DGLUCY: variants seen among roughly 807,000 people sequenced by gnomAD.
DGLUCY encodes the protein D-glutamate cyclase, mitochondrial.
A neutral mutation model predicts 58.5 loss-of-function variants in DGLUCY; 58 were observed. The observed-to-expected ratio is 0.99, with a 90% confidence interval of 0.80 to 1.23. The LOEUF (loss-of-function observed/expected upper bound fraction) is 1.23. Ranked by LOEUF, DGLUCY falls within the 50% of genes most tolerant of loss-of-function variation. The probability of loss-of-function intolerance (pLI) is 0.00; values close to 1 mark genes in which losing one functional copy is unlikely to be tolerated. For synonymous variants in DGLUCY, 325 were observed against 314.1 expected, an observed-to-expected ratio of 1.03 and a Z score of -0.37; for missense variants, 779 against 784.7, an observed-to-expected ratio of 0.99 and a Z score of 0.09.
intron 5 of DGLUCY, among the ~76,000 whole-genome samples, chr14:91,170,695 G>A (rs540182877): frequency 1.1e-3 from 165 of 152,092 alleles, no homozygotes; most frequent in Middle Eastern, 9.5e-3. Flanking sequence ...CACAGCCGGC[G>A]TCTCTGGGAC....
At chr14:91,220,763 GC>G (rs1887359488) in intron 13 of DGLUCY, 1 of 436,584 alleles carries the variant, frequency 2.3e-6, no homozygotes, top group African/African-American at 2.0e-5. Context: ...CCATGTTCCC[GC>G]CTGCCTCGTC....
chr14:91,091,267 TCTC>T (rs1159294885), intron 1 of DGLUCY: 2 of 152,202 alleles, frequency 1.3e-5, no homozygotes, highest in Non-Finnish European at 2.9e-5. Context: ...ACGCCTGTAA[TCTC>T]AGCACTTTGG....
chr14:91,182,238 C>G (rs1300654356), intron 8 of DGLUCY, among the ~76,000 whole-genome samples: 1 of 152,204 alleles, frequency 6.6e-6, no homozygotes, highest in Non-Finnish European at 1.5e-5. Flanking sequence ...ATCTCGGCCT[C>G]CCGAAGTGCT....
chr14:91,193,724 C>G (rs1304506755), intron 9 of DGLUCY, among the ~76,000 whole-genome samples: 1 of 151,992 alleles, frequency 6.6e-6, no homozygotes, highest in African/African-American at 2.4e-5. Context: ...CGCCTGTAGT[C>G]CTAGCTACTA....
intron 1 of DGLUCY, among the ~76,000 whole-genome samples, chr14:91,137,639 C>T (rs2140235937): frequency 6.6e-6 from 1 of 152,028 alleles, no homozygotes; most frequent in South Asian, 2.1e-4. Context: ...TCATGATCCG[C>T]CCGCCTTAGC....
intron 1 of DGLUCY, among the ~76,000 whole-genome samples, chr14:91,089,603 C>T (rs2044276341): frequency 6.6e-6 from 1 of 152,158 alleles, no homozygotes; most frequent in African/African-American, 2.4e-5. Context: ...GAGCGGAACA[C>T]TTGAGATCAG....
In DGLUCY at chr14:91,148,993, A is replaced by G. The variant is rs942733862; in HGVS notation, c.-81-8646A>G. Reference sequence around the variant, plus strand: ...CTACGCGCGGTGGCTCATACCTGTAATTTCAGCACTTTGGGAGGCCGAGGC... The same window carrying G: ...CTACGCGCGGTGGCTCATACCTGTAGTTTCAGCACTTTGGGAGGCCGAGGC... On this transcript the variant is annotated intron_variant, in intron 1 of 13. Transcript: ENST00000256324. 2.6e-5 allele frequency: 4 copies of G among 151,736 alleles called. 1 individual carries two copies. Among genetic ancestry groups the G allele is most frequent in the Non-Finnish European group, 4.4e-5 (3 of 68,034 alleles). The allele number at this position is 151,736 out of a possible 1,614,324, so 9.4% of individuals were successfully genotyped here.
rs149326826 is a variant in DGLUCY, at chr14:91,194,585, G to A, written c.1196-1790G>A. On this transcript the variant is annotated intron_variant, in intron 9 of 13. Transcript: ENST00000256324. ...GAGACAGGGTTTTGCCTTGTTGCCA[G>A]GCTGGAGTGCAGTGGCGCGATCTTG... Among the ~76,000 whole-genome samples the A allele has an allele frequency of 7.2e-4, 109 of 151,342 alleles. 1 individual carries two copies. The highest frequency in any genetic ancestry group is 2.5e-3 in the African/African-American group (105 of 41,182).
intron 1 of DGLUCY, among the ~76,000 whole-genome samples, chr14:91,115,427 T>C (rs751531110): frequency 5.3e-5 from 8 of 151,906 alleles, no homozygotes; most frequent in African/African-American, 9.7e-5. Context: ...CACCTTTTTT[T>C]CCCCCCTTCA....
At chr14:91,136,758 C>G (rs984904901) in intron 1 of DGLUCY, among the ~76,000 whole-genome samples, 1 of 151,968 alleles carries the variant, frequency 6.6e-6, no homozygotes, top group Non-Finnish European at 1.5e-5. Context: ...TACCTGAAGT[C>G]AGGAGTTTGA....
Position 91,215,504 on chromosome 14 carries a change from C to G in DGLUCY, c.1664C>G (p.Ser555Cys), listed in dbSNP as rs1886379119. Residue 555 changes from serine (S) to cysteine (C), a missense_variant, in exon 13 of 14, where the codon TCC becomes TGC. By Grantham distance (112) the Ser-to-Cys change is moderately radical. Coordinates refer to ENST00000256324, the MANE Select transcript of DGLUCY (RefSeq NM_001102368.3). ...TACCTGAGGAAAGCAGTCGGACCCTCCAGGGCACCTGGAGATCAGGCCTGG... is the reference window on the plus strand; with the variant it reads ...TACCTGAGGAAAGCAGTCGGACCCTGCAGGGCACCTGGAGATCAGGCCTGG... The part of the protein sequence containing the change: ...SQYLRKAVGP[S>C]RAPGDQAWTQ... 8 of 1,614,228 alleles carry G rather than the reference C, an allele frequency of 5.0e-6. No homozygotes were observed. Among genetic ancestry groups the G allele is most frequent in the Non-Finnish European group, 6.8e-6 (8 of 1,180,038 alleles).
At chr14:91,079,340 CTTTCT>C (rs1040216756) in intron 1 of DGLUCY, among the ~76,000 whole-genome samples, 27 of 151,304 alleles carry the variant, frequency 1.8e-4, no homozygotes, top group South Asian at 1.2e-3. Flanking sequence ...AACATTGTTT[CTTTCT>C]TTTCTTTTCT....
chr14:91,219,438 AG>A (rs1254649130), intron 13 of DGLUCY, among the ~76,000 whole-genome samples: 2 of 152,220 alleles, frequency 1.3e-5, no homozygotes, highest in African/African-American at 4.8e-5. Context: ...GTCACACTAG[AG>A]TTCTGCAGGT....
At chr14:91,068,985 A>G (rs777913311) in intron 1 of DGLUCY, among the ~76,000 whole-genome samples, 8 of 152,238 alleles carry the variant, frequency 5.3e-5, no homozygotes, top group Non-Finnish European at 1.0e-4. Context: ...CAAAGGGGAA[A>G]GGAGACTTGT....
rs36096639 is a variant in DGLUCY, at chr14:91,205,842, C to CTTT, written c.1564+1038_1564+1040dup. Among the ~76,000 whole-genome samples, 498 of 70,728 alleles carry CTTT rather than the reference C, an allele frequency of 7.0e-3. 92 individuals are homozygous for CTTT. The highest frequency in any genetic ancestry group is 0.019 in the African/African-American group (311 of 15,998). The allele number at this position is 70,728 out of a possible 152,430, so 46.4% of individuals were successfully genotyped here. On this transcript the variant is annotated intron_variant, in intron 12 of 13. Transcript: ENST00000256324. The stretch of plus-strand genomic sequence containing the variant: ...TCCTCCTCCTCCCTTTCTTCTTCTT[C>CTTT]TTTTTTTTTTTTTTTTTTTTTTTGA...
chr14:91,131,107 G>T (rs1428920853), intron 1 of DGLUCY, among the ~76,000 whole-genome samples: 1 of 151,944 alleles, frequency 6.6e-6, no homozygotes, highest in Non-Finnish European at 1.5e-5. Flanking sequence ...GTACTACCAC[G>T]CCCGGCTAAG....
intron 1 of DGLUCY, among the ~76,000 whole-genome samples, chr14:91,067,843 C>T (rs1308497183): frequency 6.6e-6 from 1 of 152,156 alleles, no homozygotes; most frequent in East Asian, 1.9e-4. Flanking sequence ...AGCCACTGCA[C>T]CTGGCCCATT....
At position 91,178,390 on chromosome 14, in the gene DGLUCY, C is replaced by T. The variant is rs2048982956; in HGVS notation, c.730+2334C>T. Among the ~76,000 whole-genome samples the T allele has an allele frequency of 1.3e-5, 2 of 152,122 alleles. 1 individual carries two copies. The highest frequency in any genetic ancestry group is 4.1e-4 in the South Asian group (2 of 4,834). Reference sequence around the variant, plus strand: ...TGTTGCCCAAGCTGGTCTTGAACTCCTGGGCTCAAGCGATCCTCCCACCTC... The same window carrying T: ...TGTTGCCCAAGCTGGTCTTGAACTCTTGGGCTCAAGCGATCCTCCCACCTC... On this transcript the variant is annotated intron_variant, in intron 7 of 13. Coordinates refer to ENST00000256324, the MANE Select transcript of DGLUCY (RefSeq NM_001102368.3).
intron 1 of DGLUCY, among the ~76,000 whole-genome samples, chr14:91,067,152 T>C (rs1247810545): frequency 7.1e-6 from 1 of 141,630 alleles, no homozygotes; most frequent in Non-Finnish European, 1.5e-5. Flanking sequence ...AAAAGAAGAG[T>C]GATTGGTAAA....
Sources: allele counts gnomAD v4.1 joint callset (sites outside exome capture counted in the v4.1 genomes callset), GRCh38; gene constraint gnomAD v4.1.1; transcripts MANE v1.5; gene names NCBI Gene and HGNC (gene_info 2026-07-23, HGNC 2026-07-21).